The following GALNTL6 variants were observed in gnomAD, a reference collection of about 807,000 sequenced individuals.
GALNTL6 encodes polypeptide N-acetylgalactosaminyltransferase-like 6.
Under a neutral mutation model 73.7 loss-of-function variants are expected in GALNTL6, and 46 were observed. The observed-to-expected ratio is 0.62, with a 90% confidence interval of 0.49 to 0.80. The LOEUF (loss-of-function observed/expected upper bound fraction) is 0.80, where lower values mean the gene tolerates loss of function less well. Ranked by LOEUF, GALNTL6 falls within the 30% of genes least tolerant of loss-of-function variation. The probability of loss-of-function intolerance (pLI) is 0.00; values close to 1 mark genes in which losing one functional copy is unlikely to be tolerated. For synonymous variants in GALNTL6, 259 were observed against 263.7 expected (o/e 0.98, Z 0.17); for missense variants, 604 against 755.0 (o/e 0.80, Z 2.34).
chr4:171,933,659 TAAC>T (rs1738254415), intron 2 of GALNTL6, among the ~76,000 whole-genome samples: 1 of 152,286 alleles, frequency 6.6e-6, no homozygotes, highest in African/African-American at 2.4e-5. Flanking sequence ...CTAAGACAGT[TAAC>T]AAACGATTAT....
At chr4:172,417,043 G>C (rs1414666263) in intron 5 of GALNTL6, among the ~76,000 whole-genome samples, 1 of 151,962 alleles carries the variant, frequency 6.6e-6, no homozygotes, top group Non-Finnish European at 1.5e-5. Context: ...TCAATCAATA[G>C]GAAAACATTA....
chr4:172,048,584 G>A (rs890801629), intron 2 of GALNTL6, among the ~76,000 whole-genome samples: 1 of 152,092 alleles, frequency 6.6e-6, no homozygotes, highest in African/African-American at 2.4e-5. Context: ...GAACTTGGAT[G>A]AAAAGTATTA....
chr4:172,255,497 A>G (rs962245734), intron 3 of GALNTL6, among the ~76,000 whole-genome samples: 1 of 151,532 alleles, frequency 6.6e-6, no homozygotes, highest in African/African-American at 2.4e-5. Flanking sequence ...CTTTACTCCA[A>G]TTAATAACTA....
intron 10 of GALNTL6, among the ~76,000 whole-genome samples, chr4:172,989,417 T>C (rs1025287823): frequency 6.6e-6 from 1 of 151,984 alleles, no homozygotes; most frequent in Non-Finnish European, 1.5e-5. Flanking sequence ...TGAAAAGAGG[T>C]GATTATATTT....
chr4:172,091,648 T>G (rs903184325), intron 2 of GALNTL6, among the ~76,000 whole-genome samples: 4 of 152,218 alleles, frequency 2.6e-5, no homozygotes, highest in Non-Finnish European at 5.9e-5. Context: ...TTATGTCCTC[T>G]TATAATAATA....
At chr4:172,593,236 T>C (rs1263127497) in intron 5 of GALNTL6, among the ~76,000 whole-genome samples, 1 of 152,236 alleles carries the variant, frequency 6.6e-6, no homozygotes, top group African/African-American at 2.4e-5. Flanking sequence ...CTTTATGCTT[T>C]TATTTCTCCA....
Position 173,012,954 on chromosome 4 carries a change from A to AT in GALNTL6, c.1488+3664dup, listed in dbSNP as rs373120698. 3.4e-3 allele frequency among the ~76,000 whole-genome samples: 520 copies of AT among 152,248 alleles called. 3 individuals are homozygous for AT. The highest frequency in any genetic ancestry group is 0.012 in the African/African-American group (492 of 41,550). On this transcript the variant is annotated intron_variant, in intron 11 of 12. Coordinates refer to ENST00000506823, the MANE Select transcript of GALNTL6 (RefSeq NM_001034845.3). ...GGAGTTCGAGACCAGCCTGGCTAACATTTTGAAACCCCGTCTCTACTAAAA... is the reference window on the plus strand; with the variant it reads ...GGAGTTCGAGACCAGCCTGGCTAACATTTTTGAAACCCCGTCTCTACTAAAA...
intron 8 of GALNTL6, among the ~76,000 whole-genome samples, chr4:172,905,812 C>CAAAAAAAAAAAAAAA (rs397996287): frequency 1.1e-4 from 8 of 69,668 alleles, no homozygotes; most frequent in African/African-American, 1.6e-4. Flanking sequence ...AGAGATCACT[C>CAAAAAAAAAAAAAAA]AAAAAAAAAA....
chr4:172,112,365 AG>A (rs1251716821), intron 2 of GALNTL6, among the ~76,000 whole-genome samples: 1 of 152,172 alleles, frequency 6.6e-6, no homozygotes, highest in East Asian at 1.9e-4. Context: ...GTCCATGTGT[AG>A]GTTTTTTTGT....
At chr4:172,277,466 A>T (rs1335003492) in intron 3 of GALNTL6, among the ~76,000 whole-genome samples, 3 of 152,168 alleles carry the variant, frequency 2.0e-5, no homozygotes, top group Admixed American at 2.0e-4. Context: ...ATTAGAGAAA[A>T]AATAATAACC....
intron 5 of GALNTL6, among the ~76,000 whole-genome samples, chr4:172,787,947 G>C (rs1338135472): frequency 6.6e-6 from 1 of 152,118 alleles, no homozygotes; most frequent in African/African-American, 2.4e-5. Context: ...AGAGACAATA[G>C]AAAGTATAAT....
At chr4:172,900,549 A>G (rs926088530) in intron 8 of GALNTL6, among the ~76,000 whole-genome samples, 1 of 152,208 alleles carries the variant, frequency 6.6e-6, no homozygotes, top group African/African-American at 2.4e-5. Flanking sequence ...ATATTGTTCA[A>G]ATATTAGCTG....
At chr4:172,749,498 A>G (rs1737305885) in intron 5 of GALNTL6, among the ~76,000 whole-genome samples, 1 of 152,066 alleles carries the variant, frequency 6.6e-6, no homozygotes, top group South Asian at 2.1e-4. Flanking sequence ...ATGAGAATGT[A>G]TTTCTGAGCA....
At chr4:172,730,232 T>G (rs1399328919) in intron 5 of GALNTL6, among the ~76,000 whole-genome samples, 1 of 152,180 alleles carries the variant, frequency 6.6e-6, no homozygotes, top group East Asian at 1.9e-4. Context: ...TCTTTCTCTT[T>G]CCCAATTGTT....
intron 7 of GALNTL6, among the ~76,000 whole-genome samples, chr4:172,871,957 C>T (rs1332687129): frequency 6.6e-6 from 1 of 152,002 alleles, no homozygotes; most frequent in South Asian, 2.1e-4. Context: ...CCATGCCCGG[C>T]TAATATTGTA....
intron 2 of GALNTL6, among the ~76,000 whole-genome samples, chr4:171,907,904 C>T (rs1302640271): frequency 6.6e-6 from 1 of 152,022 alleles, no homozygotes; most frequent in African/African-American, 2.4e-5. Flanking sequence ...AAAGGATTCC[C>T]TATTTAATAA....
chr4:172,789,644 T>C (rs542187569), intron 5 of GALNTL6, among the ~76,000 whole-genome samples: 1 of 152,320 alleles, frequency 6.6e-6, no homozygotes, highest in Non-Finnish European at 1.5e-5. Context: ...GGGACCTCCA[T>C]GTCTTCAGCT....
chr4:172,215,161 G>C (rs1267033797), intron 2 of GALNTL6, among the ~76,000 whole-genome samples: 1 of 151,954 alleles, frequency 6.6e-6, no homozygotes, highest in Non-Finnish European at 1.5e-5. Context: ...TAAATTTGGT[G>C]TGTTTCGTGG....
intron 2 of GALNTL6, among the ~76,000 whole-genome samples, chr4:172,208,683 T>C (rs1321132494): frequency 6.6e-6 from 1 of 152,090 alleles, no homozygotes; most frequent in East Asian, 1.9e-4. Context: ...ACCTAGAGTG[T>C]TTTTGGTGAC....
Sources: gnomAD v4.1 joint callset for allele counts (sites outside exome capture counted in the v4.1 genomes callset) on GRCh38, gnomAD v4.1.1 for gene constraint, MANE v1.5 for transcripts, NCBI Gene and HGNC (gene_info 2026-07-23, HGNC 2026-07-21) for gene names.